Variants in LHFPL1 observed in about 807,000 individuals in gnomAD.
The protein encoded by LHFPL1 is LHFPL tetraspan subfamily member 1 protein.
In LHFPL1, 4 loss-of-function variants were observed where a neutral mutation model predicts 12.1. The ratio of observed to expected loss-of-function variants is 0.33; its 90% confidence interval spans 0.16 to 0.76. The LOEUF (loss-of-function observed/expected upper bound fraction) is 0.76. Ranked by LOEUF, LHFPL1 falls within the 30% of genes least tolerant of loss-of-function variation. The pLI, the probability that LHFPL1 is intolerant of heterozygous loss-of-function variation, is 0.61. For missense variants in LHFPL1, 141 were observed against 174.1 expected (o/e 0.81, Z 1.07); for synonymous variants, 52 against 61.9 (o/e 0.84, Z 0.75).
At chrX:112,643,114 C>T (rs1232037727) in intron 3 of LHFPL1, among the ~76,000 whole-genome samples, 5 of 105,647 alleles carry the variant, frequency 4.7e-5, no homozygotes, top group Middle Eastern at 4.4e-3. Flanking sequence ...GGCGCAGTGG[C>T]TCACGCCTGT....
chrX:112,640,626 G>C (rs1930474686), intron 3 of LHFPL1, among the ~76,000 whole-genome samples: 1 of 112,173 alleles, frequency 8.9e-6, no homozygotes, highest in Admixed American at 9.4e-5. Flanking sequence ...CAGTACCTTT[G>C]TGGAACAGGG....
At chrX:112,672,609 T>A (rs1323577) in intron 1 of LHFPL1, among the ~76,000 whole-genome samples, 17 of 110,370 alleles carry the variant, frequency 1.5e-4, no homozygotes, top group African/African-American at 5.3e-4. Context: ...TGTAGAGGAC[T>A]GGGAAGGAGG....
intron 3 of LHFPL1, among the ~76,000 whole-genome samples, chrX:112,644,348 C>T (rs1930621901): frequency 9.0e-6 from 1 of 110,743 alleles, no homozygotes; most frequent in Non-Finnish European, 1.9e-5. Context: ...AAGTAGATTG[C>T]TTTAGTTTTT....
intron 1 of LHFPL1, among the ~76,000 whole-genome samples, chrX:112,671,612 T>C (rs1296653723): frequency 8.9e-6 from 1 of 112,127 alleles, no homozygotes; most frequent in African/African-American, 3.2e-5. Flanking sequence ...CACCTTCCCT[T>C]CCTTCTGCCT....
At chrX:112,656,902 A>G (rs1348900994) in intron 3 of LHFPL1, among the ~76,000 whole-genome samples, 2 of 112,511 alleles carry the variant, frequency 1.8e-5, no homozygotes, top group Non-Finnish European at 3.8e-5. Flanking sequence ...TATGCTGTAG[A>G]GTATGGGTTG....
intron 3 of LHFPL1, among the ~76,000 whole-genome samples, chrX:112,647,378 G>C (rs1177994413): frequency 8.9e-6 from 1 of 111,780 alleles, no homozygotes; most frequent in East Asian, 2.8e-4. Context: ...TATCATCAGA[G>C]TGAACAGGCA....
At chrX:112,653,519 G>A (rs1270442097) in intron 3 of LHFPL1, among the ~76,000 whole-genome samples, 1 of 112,414 alleles carries the variant, frequency 8.9e-6, no homozygotes, top group Non-Finnish European at 1.9e-5. Flanking sequence ...AAAAAAGAAA[G>A]AGTTAGGAAC....
At chrX:112,666,222 C>G (rs1250610507) in intron 2 of LHFPL1, among the ~76,000 whole-genome samples, 2 of 111,956 alleles carry the variant, frequency 1.8e-5, no homozygotes, top group African/African-American at 6.5e-5. Context: ...TCGACTCAAA[C>G]ACAAACCAGT....
intron 2 of LHFPL1, among the ~76,000 whole-genome samples, chrX:112,665,577 G>A (rs929414053): frequency 1.5e-4 from 17 of 111,918 alleles, no homozygotes; most frequent in Non-Finnish European, 3.8e-5. Flanking sequence ...AGCCTTTAGA[G>A]TGTGTTACTG....
At position 112,631,305 on chromosome X, in the gene LHFPL1, A is replaced by T. The variant is rs1930181480; in HGVS notation, c.*115T>A. On this transcript the variant is annotated 3_prime_UTR_variant, in exon 4 of 4. Coordinates refer to ENST00000371968, the MANE Select transcript of LHFPL1 (RefSeq NM_178175.4). Reference sequence around the variant, plus strand: ...ATGAACGACAATTAGTTTAAAAAGCATGCAAACACTAGGCTATGCTAATGA... The same window carrying T: ...ATGAACGACAATTAGTTTAAAAAGCTTGCAAACACTAGGCTATGCTAATGA... 1.7e-6 allele frequency: 1 copy of T among 597,985 alleles called. No homozygotes were observed. Among genetic ancestry groups the T allele is most frequent in the African/African-American group, 2.3e-5 (1 of 43,954 alleles). The allele number at this position is 597,985 out of a possible 1,213,427, so 49.3% of individuals were successfully genotyped here. A position where few individuals can be genotyped will look rare whatever the true frequency, so the allele number is the denominator to read the frequency against.
At chrX:112,636,975 A>C (rs751325521) in intron 3 of LHFPL1, among the ~76,000 whole-genome samples, 1 of 111,584 alleles carries the variant, frequency 9.0e-6, no homozygotes, top group South Asian at 3.8e-4. Flanking sequence ...CTGTGAAGAG[A>C]AGGATCGGTG....
At chrX:112,646,904 T>C (rs980313835) in intron 3 of LHFPL1, among the ~76,000 whole-genome samples, 2 of 111,886 alleles carry the variant, frequency 1.8e-5, no homozygotes, top group African/African-American at 3.2e-5. Context: ...AAAAAAGTCA[T>C]TGTAGCACAC....
chrX:112,639,697 A>G (rs747652210), intron 3 of LHFPL1, among the ~76,000 whole-genome samples: 19 of 112,221 alleles, frequency 1.7e-4, no homozygotes, highest in Non-Finnish European at 2.3e-4. Flanking sequence ...TTGCTTATTT[A>G]TATCACTTTT....
chrX:112,659,175 T>G (rs1417174566), intron 3 of LHFPL1, among the ~76,000 whole-genome samples: 4 of 111,807 alleles, frequency 3.6e-5, no homozygotes, highest in African/African-American at 1.3e-4. Flanking sequence ...ATGAAAATGT[T>G]CTGGGGCAGG....
intron 1 of LHFPL1, among the ~76,000 whole-genome samples, chrX:112,674,973 A>C (rs1931615614): frequency 8.9e-6 from 1 of 111,854 alleles, no homozygotes; most frequent in Non-Finnish European, 1.9e-5. Flanking sequence ...TATTGCAGCG[A>C]CCTGGATGAG....
intron 3 of LHFPL1, among the ~76,000 whole-genome samples, chrX:112,643,601 C>T (rs754025269): frequency 9.1e-6 from 1 of 110,471 alleles, no homozygotes; most frequent in Non-Finnish European, 1.9e-5. Flanking sequence ...AAACTTTCGC[C>T]ATGATTCAGT....
intron 3 of LHFPL1, among the ~76,000 whole-genome samples, chrX:112,649,532 C>T (rs1334413258): frequency 4.5e-5 from 5 of 111,874 alleles, no homozygotes; most frequent in Non-Finnish European, 9.4e-5. Flanking sequence ...GATTACTTGC[C>T]TTCCTCTTTT....
intron 3 of LHFPL1, among the ~76,000 whole-genome samples, chrX:112,634,829 A>G (rs1157867611): frequency 8.9e-6 from 1 of 111,755 alleles, no homozygotes; most frequent in Non-Finnish European, 1.9e-5. Context: ...CTCTGAAGGC[A>G]TCTAAGCCCC....
intron 3 of LHFPL1, among the ~76,000 whole-genome samples, chrX:112,650,718 G>T (rs1340010844): frequency 9.0e-6 from 1 of 111,182 alleles, no homozygotes; most frequent in Non-Finnish European, 1.9e-5. Context: ...CAATATGGTA[G>T]CCACTAGTCG....
Sources: allele counts gnomAD v4.1 joint callset (sites outside exome capture counted in the v4.1 genomes callset), GRCh38; gene constraint gnomAD v4.1.1; transcripts MANE v1.5; gene names NCBI Gene and HGNC (gene_info 2026-07-23, HGNC 2026-07-21).